Variants in KCNIP1 observed in about 807,000 individuals in gnomAD.
The protein encoded by KCNIP1 is potassium voltage-gated channel interacting protein 1, also known as A-type potassium channel modulatory protein KCNIP1.
KCNIP1 carries 18 observed loss-of-function variants against 33.0 expected under a neutral mutation model. The ratio of observed to expected loss-of-function variants is 0.55; its 90% CI spans 0.38 to 0.81. The LOEUF is 0.81. Ranked by LOEUF, KCNIP1 falls within the 30% of genes least tolerant of loss-of-function variation. The pLI, the probability that KCNIP1 is intolerant of heterozygous loss-of-function variation, is 0.00. For synonymous variants in KCNIP1, 93 were observed against 98.3 expected, an observed-to-expected ratio of 0.95 and a Z score of 0.32; for missense variants, 238 against 271.6, an observed-to-expected ratio of 0.88 and a Z score of 0.87.
chr5:170,635,895 C>G (rs528433784), intron 1 of KCNIP1, among the ~76,000 whole-genome samples: 11 of 152,332 alleles, frequency 7.2e-5, no homozygotes, highest in Admixed American at 7.2e-4. Flanking sequence ...TGCCCAGACA[C>G]AGGCCGGGAG....
At chr5:170,510,687 C>T (rs1038318672) in intron 1 of KCNIP1, among the ~76,000 whole-genome samples, 1 of 152,198 alleles carries the variant, frequency 6.6e-6, no homozygotes, top group African/African-American at 2.4e-5. Flanking sequence ...TCCCGTACCC[C>T]AGCCATGGGA....
chr5:170,703,199 C>T (rs1405115385), intron 1 of KCNIP1, among the ~76,000 whole-genome samples: 2 of 137,410 alleles, frequency 1.5e-5, no homozygotes, highest in African/African-American at 2.7e-5. Flanking sequence ...TAGACCACCA[C>T]CAAACACATA....
intron 1 of KCNIP1, among the ~76,000 whole-genome samples, chr5:170,570,471 A>C (rs370094795): frequency 2.3e-4 from 35 of 151,126 alleles, no homozygotes; most frequent in African/African-American, 8.6e-4. Flanking sequence ...GAGTGCCCCC[A>C]ATAGGCACTT....
intron 1 of KCNIP1, chr5:170,378,311 G>T (rs1036031129): frequency 1.7e-5 from 3 of 177,384 alleles, no homozygotes; most frequent in Non-Finnish European, 3.5e-5. Flanking sequence ...AGGGAGGCTC[G>T]CTGGGGACAG....
intron 1 of KCNIP1, among the ~76,000 whole-genome samples, chr5:170,473,849 A>G (rs1756790489): frequency 6.6e-6 from 1 of 152,190 alleles, no homozygotes; most frequent in African/African-American, 2.4e-5. Context: ...TATCTTTGCC[A>G]GTTCTCTGAC....
chr5:170,639,173 A>G (rs939592932), intron 1 of KCNIP1: 3 of 152,214 alleles, frequency 2.0e-5, no homozygotes, highest in Admixed American at 1.3e-4. Flanking sequence ...TGCTTAGATC[A>G]TCTTTAATTT....
At chr5:170,567,093 G>A (rs1315579315) in intron 1 of KCNIP1, among the ~76,000 whole-genome samples, 1 of 152,200 alleles carries the variant, frequency 6.6e-6, no homozygotes, top group African/African-American at 2.4e-5. Flanking sequence ...GAAGTGCAGG[G>A]GAAGGCCATC....
intron 1 of KCNIP1, among the ~76,000 whole-genome samples, chr5:170,679,649 G>GTA (rs1468070733): frequency 6.6e-6 from 1 of 151,508 alleles, no homozygotes; most frequent in East Asian, 1.9e-4. Flanking sequence ...GTGTGTGTGT[G>GTA]TGTGTGTGTG....
At chr5:170,434,627 T>C (rs958136342) in intron 1 of KCNIP1, among the ~76,000 whole-genome samples, 4 of 152,004 alleles carry the variant, frequency 2.6e-5, no homozygotes, top group Admixed American at 1.3e-4. Context: ...GACGGGTCGG[T>C]GGGTGGGGTG....
intron 1 of KCNIP1, among the ~76,000 whole-genome samples, chr5:170,623,364 A>G (rs1759685113): frequency 6.6e-6 from 1 of 152,010 alleles, no homozygotes; most frequent in South Asian, 2.1e-4. Context: ...GGCACCCGCC[A>G]CCATACCTGG....
At chr5:170,354,824 GAGCAGC>G (rs540161284) in intron 1 of KCNIP1, among the ~76,000 whole-genome samples, 119 of 152,350 alleles carry the variant, frequency 7.8e-4, no homozygotes, top group African/African-American at 2.7e-3. Flanking sequence ...TGTCAAGGGA[GAGCAGC>G]AGCATGATGT....
chr5:170,623,423 G>A (rs947119312), intron 1 of KCNIP1, among the ~76,000 whole-genome samples: 48 of 151,970 alleles, frequency 3.2e-4, no homozygotes, highest in Admixed American at 3.1e-3. Context: ...TGTTGGTCAG[G>A]CTGGTCTTGA....
At chr5:170,578,674 C>G (rs1365957290) in intron 1 of KCNIP1, among the ~76,000 whole-genome samples, 1 of 152,142 alleles carries the variant, frequency 6.6e-6, no homozygotes, top group East Asian at 1.9e-4. Context: ...AATAAGTCAT[C>G]TTAAAGTTAA....
At chr5:170,576,193 AG>A in intron 1 of KCNIP1, among the ~76,000 whole-genome samples, 1 of 152,214 alleles carries the variant, frequency 6.6e-6, no homozygotes, top group East Asian at 1.9e-4. Flanking sequence ...AGCTATAAGC[AG>A]GGGCACTCTG....
At chr5:170,699,806 A>G (rs956803672) in intron 1 of KCNIP1, among the ~76,000 whole-genome samples, 7 of 152,126 alleles carry the variant, frequency 4.6e-5, no homozygotes, top group African/African-American at 1.4e-4. Flanking sequence ...CTAGGGTCTC[A>G]GGCCTATGTC....
chr5:170,581,051 G>A (rs530426040), intron 1 of KCNIP1, among the ~76,000 whole-genome samples: 2 of 152,260 alleles, frequency 1.3e-5, no homozygotes, highest in South Asian at 4.2e-4. Context: ...TCCATCTCAA[G>A]CAGCACACTG....
chr5:170,409,155 A>T (rs1755114342), intron 1 of KCNIP1, among the ~76,000 whole-genome samples: 2 of 152,220 alleles, frequency 1.3e-5, no homozygotes, highest in African/African-American at 4.8e-5. Context: ...CAGATCCAGG[A>T]TGTGAACACT....
chr5:170,651,238 C>A (rs1761031288), intron 1 of KCNIP1, among the ~76,000 whole-genome samples: 1 of 152,126 alleles, frequency 6.6e-6, no homozygotes, highest in South Asian at 2.1e-4. Context: ...CAGTGGGTAC[C>A]CCTCACAGGA....
chr5:170,411,764 C>T (rs6884835), intron 1 of KCNIP1, among the ~76,000 whole-genome samples: 99,684 of 151,956 alleles, frequency 0.66, 32,757 homozygotes, highest in Middle Eastern at 0.72. Flanking sequence ...TTCAGTCTAG[C>T]TGGAGAGATG....
Sources: allele counts gnomAD v4.1 joint callset (sites outside exome capture counted in the v4.1 genomes callset), GRCh38; gene constraint gnomAD v4.1.1; transcripts MANE v1.5; gene names NCBI Gene and HGNC (gene_info 2026-07-23, HGNC 2026-07-21).